RFX3: variants seen among roughly 807,000 people sequenced by gnomAD.
The protein encoded by RFX3 is transcription factor RFX3.
In RFX3, 14 loss-of-function variants were observed where a neutral mutation model predicts 98.6. That is an observed-to-expected ratio of 0.14 (90% CI 0.09 to 0.22). RFX3 has a LOEUF of 0.22. Among genes scored for constraint, RFX3 ranks in the 10% least tolerant of loss-of-function variants. The pLI is 1.00. For missense variants in RFX3, 639 were observed against 926.9 expected, an observed-to-expected ratio of 0.69 and a Z score of 4.03; for synonymous variants, 383 against 328.4, an observed-to-expected ratio of 1.17 and a Z score of -1.80.
In RFX3 at chr9:3,263,112, T is replaced by C. The variant is rs775740150; in HGVS notation, c.1456-28A>G. 9 of 1,606,290 alleles carry C rather than the reference T, an allele frequency of 5.6e-6. No individual in the cohort carries two copies. In the South Asian group the frequency reaches 8.9e-5, roughly 16 times the overall value. On this transcript the variant is annotated intron_variant, in intron 12 of 16. Coordinates refer to ENST00000617270, the MANE Select transcript of RFX3 (RefSeq NM_001282116.2). ...GTAACGCAATCCAATTAAGTTGGGA[T>C]TCTGTTTCCTCCAGTAAAAGAAACC...
At chr9:3,398,661 A>G (rs115948099) in intron 1 of RFX3, among the ~76,000 whole-genome samples, 2,710 of 152,204 alleles carry the variant, frequency 0.018, 84 homozygotes, top group African/African-American at 0.062. Context: ...CACTCGCACT[A>G]AATCTGCCTC....
chr9:3,273,076 T>C (rs1330611242), intron 9 of RFX3, among the ~76,000 whole-genome samples: 1 of 152,186 alleles, frequency 6.6e-6, no homozygotes, highest in Non-Finnish European at 1.5e-5. Flanking sequence ...CATTTTATCA[T>C]TTGTCCACCT....
chr9:3,504,431 A>G (rs1459924218), intron 1 of RFX3, among the ~76,000 whole-genome samples: 1 of 129,950 alleles, frequency 7.7e-6, no homozygotes, highest in Non-Finnish European at 1.6e-5. Context: ...CACATAGTAT[A>G]TATTGTATAT....
In RFX3 at chr9:3,439,017, G is replaced by T. The variant is rs191750829; in HGVS notation, c.-8-43421C>A. Among the ~76,000 whole-genome samples the T allele has an allele frequency of 4.2e-4, 63 of 151,742 alleles. No homozygotes were observed. The South Asian group carries it at 0.01, about 25-fold the overall frequency. On this transcript the variant is annotated intron_variant, in intron 1 of 16. Transcript: ENST00000617270. ...CTGAATTAGAAAACAGTAACAGAAA[G>T]GTCTCTAGAATATCCCCAAATATTT... is the stretch of plus-strand genomic sequence containing the variant.
chr9:3,232,691 A>G (rs1186448485), intron 15 of RFX3, among the ~76,000 whole-genome samples: 1 of 152,160 alleles, frequency 6.6e-6, no homozygotes, highest in Non-Finnish European at 1.5e-5. Context: ...ATTGAAAACA[A>G]TGAGTTGATT....
intron 4 of RFX3, among the ~76,000 whole-genome samples, chr9:3,326,955 T>G (rs1831992979): frequency 6.6e-6 from 1 of 152,180 alleles, no homozygotes; most frequent in East Asian, 1.9e-4. Flanking sequence ...CCACAGTATA[T>G]GCTACTATTG....
chr9:3,273,822 A>C (rs570351130), intron 9 of RFX3, among the ~76,000 whole-genome samples: 11 of 150,178 alleles, frequency 7.3e-5, no homozygotes, highest in Non-Finnish European at 1.5e-4. Context: ...CCGAGATCGC[A>C]CTACTGCACT....
chr9:3,467,028 T>TTA (rs138952591), intron 1 of RFX3, among the ~76,000 whole-genome samples: 8,392 of 98,726 alleles, frequency 0.085, 316 homozygotes, highest in African/African-American at 0.1. Flanking sequence ...ATCTAAAGAA[T>TTA]TATATATATA....
At chr9:3,394,238 C>T (rs192183317) in intron 2 of RFX3, among the ~76,000 whole-genome samples, 2,260 of 151,906 alleles carry the variant, frequency 0.015, 58 homozygotes, top group African/African-American at 0.05. Flanking sequence ...TCGAGGTGGG[C>T]GGATCACGAG....
intron 4 of RFX3, among the ~76,000 whole-genome samples, chr9:3,302,408 T>A (rs1385392956): frequency 1.3e-5 from 2 of 151,846 alleles, no homozygotes; most frequent in Non-Finnish European, 2.9e-5. Context: ...ACACTCTTAA[T>A]AACCTCATAT....
At chr9:3,524,952 C>A (rs1167572053) in intron 1 of RFX3, among the ~76,000 whole-genome samples, 1 of 150,166 alleles carries the variant, frequency 6.7e-6, no homozygotes, top group Admixed American at 6.6e-5. Context: ...GCCCAACGAA[C>A]AGGCCCCAGG....
intron 2 of RFX3, among the ~76,000 whole-genome samples, chr9:3,351,959 G>A (rs936174418): frequency 6.6e-6 from 1 of 151,780 alleles, no homozygotes; most frequent in African/African-American, 2.4e-5. Context: ...CTGAAGAGTT[G>A]CTGTACAAAA....
At chr9:3,302,184 T>G (rs1586947493) in intron 4 of RFX3, among the ~76,000 whole-genome samples, 1 of 151,792 alleles carries the variant, frequency 6.6e-6, no homozygotes, top group Admixed American at 6.6e-5. Context: ...TGAACAAATA[T>G]GAAGAAGTAA....
chr9:3,259,119 A>G (rs1221043735), intron 13 of RFX3, among the ~76,000 whole-genome samples: 2 of 151,970 alleles, frequency 1.3e-5, no homozygotes, highest in East Asian at 3.8e-4. Context: ...TGTTTGTTCC[A>G]ACATTTTAGT....
chr9:3,243,342 A>AC (rs200041068), intron 15 of RFX3, among the ~76,000 whole-genome samples: 13 of 150,996 alleles, frequency 8.6e-5, no homozygotes, highest in Admixed American at 7.9e-4. Flanking sequence ...AAAAAAAAAA[A>AC]CTCTAGAATT....
Position 3,221,443 on chromosome 9 carries a change from T to A in RFX3, c.*3599A>T, listed in dbSNP as rs977851354. Reference sequence around the variant, plus strand: ...AGTCAATGCTGCACACTACTAATTTTAGGTATGCAGTGTTAAAACCATTTT... The same window carrying A: ...AGTCAATGCTGCACACTACTAATTTAAGGTATGCAGTGTTAAAACCATTTT... On this transcript the variant is annotated 3_prime_UTR_variant, in exon 17 of 17. Coordinates refer to ENST00000617270, the MANE Select transcript of RFX3 (RefSeq NM_001282116.2). The A allele has an allele frequency of 6.6e-6, 1 of 152,188 alleles. No homozygotes were observed. The highest frequency in any genetic ancestry group is 1.5e-5 in the Non-Finnish European group (1 of 68,012). The allele number at this position is 152,188 out of a possible 1,614,324, so 9.4% of individuals were successfully genotyped here. A position where few individuals can be genotyped will look rare whatever the true frequency, so the allele number is the denominator to read the frequency against.
At chr9:3,273,216 C>T (rs151080415) in intron 9 of RFX3, among the ~76,000 whole-genome samples, 13 of 152,136 alleles carry the variant, frequency 8.5e-5, no homozygotes, top group Admixed American at 5.2e-4. Context: ...AAAAGTTTTT[C>T]ATATTTATTC....
intron 1 of RFX3, among the ~76,000 whole-genome samples, chr9:3,483,086 A>G (rs921922974): frequency 3.3e-5 from 5 of 152,182 alleles, no homozygotes; most frequent in African/African-American, 9.7e-5. Context: ...AGCAAAAATA[A>G]ATACTTAAAA....
At chr9:3,309,844 G>A (rs1259380342) in intron 4 of RFX3, among the ~76,000 whole-genome samples, 1 of 152,134 alleles carries the variant, frequency 6.6e-6, no homozygotes, top group East Asian at 1.9e-4. Flanking sequence ...CCTTTGTTTT[G>A]CAGAGTTGCT....
Sources: allele counts gnomAD v4.1 joint callset (sites outside exome capture counted in the v4.1 genomes callset), GRCh38; gene constraint gnomAD v4.1.1; transcripts MANE v1.5; gene names NCBI Gene and HGNC (gene_info 2026-07-23, HGNC 2026-07-21).